MRPL35: variants seen among roughly 807,000 people sequenced by gnomAD.
The protein encoded by MRPL35 is large ribosomal subunit protein bL35m.
MRPL35 carries 18 observed loss-of-function variants against 21.6 expected under a neutral mutation model. The observed-to-expected ratio is 0.83, with a 90% CI of 0.58 to 1.24. The LOEUF (loss-of-function observed/expected upper bound fraction) is 1.24, where lower values mean the gene tolerates loss of function less well. Ranked by LOEUF, MRPL35 falls within the 50% of genes most tolerant of loss-of-function variation. The pLI, the probability that MRPL35 is intolerant of heterozygous loss-of-function variation, is 0.00. For missense variants in MRPL35, 223 were observed against 223.2 expected, an observed-to-expected ratio of 1.00 and a Z score of 0.01; for synonymous variants, 87 against 86.9, an observed-to-expected ratio of 1.00 and a Z score of -0.01.
Position 86,211,963 on chromosome 2 carries a change from AG to A in MRPL35, c.*1296del. The A allele has an allele frequency of 5.1e-6, 5 of 986,766 alleles. No individual in the cohort carries two copies. Among genetic ancestry groups the A allele is most frequent in the Non-Finnish European group, 6.0e-6 (5 of 830,924 alleles). 61.1% of individuals were successfully genotyped at this position (986,766 alleles called of 1,614,324 possible). On this transcript the variant is annotated 3_prime_UTR_variant, in exon 4 of 4. Coordinates refer to ENST00000337109, the MANE Select transcript of MRPL35 (RefSeq NM_016622.4). ...AAAAAGTTAAGCATTGTTTACTTGA[AG>A]TGGGCAGGGAAGCAGCACTGAGTAA... is the stretch of plus-strand genomic sequence containing the variant.
chr2:86,211,238 C>A lies in MRPL35; in HGVS notation c.*570C>A. On this transcript the variant is annotated 3_prime_UTR_variant, in exon 4 of 4. Coordinates refer to ENST00000337109, the MANE Select transcript of MRPL35 (RefSeq NM_016622.4). Reference sequence around the variant, plus strand: ...CACAGCTTTTGCATACTTACAGTTTCTGTTCCTTTGTAATAACTTTAACTT... The same window carrying A: ...CACAGCTTTTGCATACTTACAGTTTATGTTCCTTTGTAATAACTTTAACTT... 1 of 939,824 alleles carries A rather than the reference C, an allele frequency of 1.1e-6. No homozygotes were observed. The highest frequency in any genetic ancestry group is 1.3e-6 in the Non-Finnish European group (1 of 788,628). 58.2% of individuals were successfully genotyped at this position (939,824 alleles called of 1,614,324 possible).
intron 3 of MRPL35, among the ~76,000 whole-genome samples, chr2:86,208,111 C>T (rs1311599592): frequency 6.6e-6 from 1 of 152,092 alleles, no homozygotes; most frequent in Non-Finnish European, 1.5e-5. Flanking sequence ...ATAAACAGTA[C>T]TAAATTAGTA....
intron 3 of MRPL35, among the ~76,000 whole-genome samples, chr2:86,208,272 T>TA (rs1313812215): frequency 2.0e-5 from 3 of 151,856 alleles, no homozygotes; most frequent in African/African-American, 4.8e-5. Flanking sequence ...TTGAGACCAC[T>TA]GGAAACATTT....
intron 1 of MRPL35, among the ~76,000 whole-genome samples, chr2:86,200,492 A>G (rs7560376): frequency 0.41 from 62,009 of 151,910 alleles, 13,775 homozygotes; most frequent in Non-Finnish European, 0.51. Context: ...TATAGTTACT[A>G]TTAGGTTGCC....
At chr2:86,206,036 AC>A in intron 1 of MRPL35, 69 bp from the exon 2 acceptor site, 1 of 1,315,820 alleles carries the variant, frequency 7.6e-7, no homozygotes. Flanking sequence ...TGGCAGTGAT[AC>A]ATCTCTTAAT....
At chr2:86,206,425 G>C (rs770647382) in intron 2 of MRPL35, 130 bp downstream of exon 2, 2 of 858,186 alleles carry the variant, frequency 2.3e-6, no homozygotes, top group African/African-American at 3.4e-5. Flanking sequence ...CTCCACCTCC[G>C]GGGTTCAAGC....
intron 1 of MRPL35, among the ~76,000 whole-genome samples, chr2:86,199,834 CT>C (rs1224105983): frequency 6.6e-6 from 1 of 152,168 alleles, no homozygotes; most frequent in Non-Finnish European, 1.5e-5. Context: ...TCTCACCTAA[CT>C]TTCTGATTTA....
At chr2:86,206,576 TC>T (rs1673798579) in intron 2 of MRPL35, among the ~76,000 whole-genome samples, 1 of 152,216 alleles carries the variant, frequency 6.6e-6, no homozygotes, top group Non-Finnish European at 1.5e-5. Context: ...TGCAGGGGTA[TC>T]CTAGAAGTAG....
In MRPL35 at chr2:86,213,274, TC is replaced by T; in HGVS notation, c.*2608del. ...TAAATTTTATTACTTTGCTTTCCTG[TC>T]CTTTGCCAACTCTTAACCTAGTTAA... On this transcript the variant is annotated 3_prime_UTR_variant, in exon 4 of 4. Coordinates refer to ENST00000337109, the MANE Select transcript of MRPL35 (RefSeq NM_016622.4). 1 of 1,091,518 alleles carries T rather than the reference TC, an allele frequency of 9.2e-7. No individual in the cohort carries two copies. The highest frequency in any genetic ancestry group is 1.1e-6 in the Non-Finnish European group (1 of 899,668). 67.6% of individuals were successfully genotyped at this position (1,091,518 alleles called of 1,614,324 possible).
At chr2:86,207,589 G>A (rs1399169464) in intron 3 of MRPL35, among the ~76,000 whole-genome samples, 3 of 152,094 alleles carry the variant, frequency 2.0e-5, no homozygotes, top group African/African-American at 7.2e-5. Context: ...AGCCAAGATC[G>A]AACCACTGCA....
chr2:86,211,987 T>TAA lies in MRPL35; in HGVS notation c.*1321_*1322dup. The TAA allele has an allele frequency of 1.0e-6, 1 of 989,560 alleles. No individual in the cohort carries two copies. The allele number at this position is 989,560 out of a possible 1,614,324, so 61.3% of individuals were successfully genotyped here. ...AAGTGGGCAGGGAAGCAGCACTGAGTAAAGTTCAATTGAGTGGTTACAGTC... is the reference window on the plus strand; with the variant it reads ...AAGTGGGCAGGGAAGCAGCACTGAGTAAAAAGTTCAATTGAGTGGTTACAGTC... On this transcript the variant is annotated 3_prime_UTR_variant, in exon 4 of 4. Coordinates refer to ENST00000337109, the MANE Select transcript of MRPL35 (RefSeq NM_016622.4).
At position 86,207,206 on chromosome 2, in the gene MRPL35, T is replaced by G; in HGVS notation, c.257T>G (p.Val86Gly). 6 of 1,613,214 alleles carry G rather than the reference T, an allele frequency of 3.7e-6. No homozygotes were observed. Among genetic ancestry groups the G allele is most frequent in the Non-Finnish European group, 4.2e-6 (5 of 1,179,434 alleles). The change falls in exon 3 of 4, where the codon GTC becomes GGC. Residue 86 changes from valine to glycine, a missense_variant. Transcript: ENST00000337109. The stretch of plus-strand genomic sequence containing the variant: ...AGAATGGCCCCCGTGCTTCCAAGTG[T>G]CCTGAAGCTGCCAGTCAGATCTCTA... ...LNRMAPVLPSVLKLPVRSLTY... is the reference protein window; with the variant it reads ...LNRMAPVLPSGLKLPVRSLTY...
rs1242257895 is a variant in MRPL35 at position 86,210,721 on chromosome 2, A to G, written c.*53A>G. ...ATTGGATATGTATCTTTGTGTACAT[A>G]TCTTTGCAAAAATGGATAAGTACAA... On this transcript the variant is annotated 3_prime_UTR_variant, in exon 4 of 4. Transcript: ENST00000337109. 1 of 1,515,930 alleles carries G rather than the reference A, an allele frequency of 6.6e-7. No homozygotes were observed. The highest frequency in any genetic ancestry group is 1.4e-5 in the African/African-American group (1 of 72,088). 93.9% of individuals were successfully genotyped at this position (1,515,930 alleles called of 1,614,324 possible). A position where few individuals can be genotyped will look rare whatever the true frequency, so the allele number is the denominator to read the frequency against.
At chr2:86,201,712 T>A (rs1043914937) in intron 1 of MRPL35, among the ~76,000 whole-genome samples, 1 of 152,234 alleles carries the variant, frequency 6.6e-6, no homozygotes, top group Non-Finnish European at 1.5e-5. Context: ...ATATTTTAGA[T>A]ATTAAGAATT....
In MRPL35 at chr2:86,205,961, A is replaced by G. The variant is rs1272357120; in HGVS notation, c.44-145A>G. The G allele has an allele frequency of 5.5e-6, 4 of 724,124 alleles. No homozygotes were observed. The African/African-American group carries it at 7.1e-5, about 13-fold the overall frequency. 44.9% of individuals were successfully genotyped at this position (724,124 alleles called of 1,614,324 possible). A position where few individuals can be genotyped will look rare whatever the true frequency, so the allele number is the denominator to read the frequency against. ...AATTAATTTATGGTTATACCTTAGT[A>G]AGGTGGTAAAAGCTTCACAGATGAG... is the stretch of plus-strand genomic sequence containing the variant. On this transcript the variant is annotated intron_variant, in intron 1 of 3. Coordinates refer to ENST00000337109, the MANE Select transcript of MRPL35 (RefSeq NM_016622.4).
rs961288155 is a variant in MRPL35, at chr2:86,212,751, C to T, written c.*2083C>T. On this transcript the variant is annotated 3_prime_UTR_variant, in exon 4 of 4. Transcript: ENST00000337109. ...AACTTACGGGAAAGGGAATTTCATA[C>T]ATACGATTTTTGTTTTGTGGGTAGG... is the stretch of plus-strand genomic sequence containing the variant. 1.8e-6 allele frequency: 2 copies of T among 1,136,222 alleles called. No individual in the cohort carries two copies. Among genetic ancestry groups the T allele is most frequent in the African/African-American group, 3.2e-5 (2 of 62,150 alleles). 70.4% of individuals were successfully genotyped at this position (1,136,222 alleles called of 1,614,324 possible). A position where few individuals can be genotyped will look rare whatever the true frequency, so the allele number is the denominator to read the frequency against.
In MRPL35 at chr2:86,211,980, C is replaced by G. The variant is rs1293809926; in HGVS notation, c.*1312C>G. ...TTACTTGAAGTGGGCAGGGAAGCAGCACTGAGTAAAGTTCAATTGAGTGGT... is the reference window on the plus strand; with the variant it reads ...TTACTTGAAGTGGGCAGGGAAGCAGGACTGAGTAAAGTTCAATTGAGTGGT... On this transcript the variant is annotated 3_prime_UTR_variant, in exon 4 of 4. Transcript: ENST00000337109. The G allele has an allele frequency of 1.3e-5, 13 of 988,398 alleles. No individual in the cohort carries two copies. Among genetic ancestry groups the G allele is most frequent in the Non-Finnish European group, 1.6e-5 (13 of 832,174 alleles). 61.2% of individuals were successfully genotyped at this position (988,398 alleles called of 1,614,324 possible). A position where few individuals can be genotyped will look rare whatever the true frequency, so the allele number is the denominator to read the frequency against.
intron 1 of MRPL35, among the ~76,000 whole-genome samples, 171 bp downstream of exon 1, chr2:86,199,704 C>T (rs1422077022): frequency 1.3e-5 from 2 of 152,220 alleles, no homozygotes; most frequent in East Asian, 1.9e-4. Flanking sequence ...CGTACCAAGT[C>T]CCCCGACTCG....
chr2:86,207,398 C>T (rs918946952), intron 3 of MRPL35, 71 bp downstream of exon 3: 7 of 1,515,224 alleles, frequency 4.6e-6, no homozygotes, highest in Non-Finnish European at 6.2e-6. Flanking sequence ...CGCCTATAAT[C>T]CCAGCACTTT....
Sources: gnomAD v4.1 joint callset for allele counts (sites outside exome capture counted in the v4.1 genomes callset) on GRCh38, gnomAD v4.1.1 for gene constraint, MANE v1.5 for transcripts, NCBI Gene and HGNC (gene_info 2026-07-23, HGNC 2026-07-21) for gene names.